The following HDAC9 variants were observed in gnomAD, a reference collection of about 807,000 sequenced individuals.
The protein encoded by HDAC9 is histone deacetylase 9, also known as MEF-2 interacting transcription repressor (MITR) protein.
HDAC9 carries 41 observed loss-of-function variants against 139.4 expected under a neutral mutation model. The observed-to-expected ratio is 0.29, with a 90% confidence interval of 0.23 to 0.38. The LOEUF (loss-of-function observed/expected upper bound fraction) is 0.38, where lower values mean the gene tolerates loss of function less well. HDAC9 is among the 10% of genes least tolerant of loss of function. The probability of loss-of-function intolerance (pLI) is 1.00; values close to 1 mark genes in which losing one functional copy is unlikely to be tolerated. For synonymous variants in HDAC9, 517 were observed against 476.2 expected, an observed-to-expected ratio of 1.09 and a Z score of -1.12; for missense variants, 1,147 against 1,297.0, an observed-to-expected ratio of 0.88 and a Z score of 1.78.
chr7:18,201,211 C>CT (rs1346311141), intron 2 of HDAC9, among the ~76,000 whole-genome samples: 1 of 152,134 alleles, frequency 6.6e-6, no homozygotes, highest in Admixed American at 6.6e-5. Context: ...TAGTTTTCCT[C>CT]TTTTCCTTAA....
chr7:18,582,486 A>G (rs1480064236), intron 2 of HDAC9, among the ~76,000 whole-genome samples: 1 of 152,072 alleles, frequency 6.6e-6, no homozygotes, highest in Non-Finnish European at 1.5e-5. Flanking sequence ...GGCTTGATAA[A>G]TCTATTTTGA....
chr7:18,698,406 A>G (rs1783211996), intron 12 of HDAC9, among the ~76,000 whole-genome samples: 1 of 152,228 alleles, frequency 6.6e-6, no homozygotes, highest in African/African-American at 2.4e-5. Flanking sequence ...CTGGGACTAA[A>G]TAAGTTATGC....
intron 1 of HDAC9, among the ~76,000 whole-genome samples, chr7:18,362,348 A>G (rs997154371): frequency 6.6e-6 from 1 of 152,274 alleles, no homozygotes; most frequent in Middle Eastern, 3.4e-3. Flanking sequence ...ATATTTTTCT[A>G]TTATCTTTGT....
At chr7:18,847,414 A>G (rs1796984505) in intron 21 of HDAC9, among the ~76,000 whole-genome samples, 1 of 152,076 alleles carries the variant, frequency 6.6e-6, no homozygotes, top group East Asian at 1.9e-4. Context: ...CACATGATAC[A>G]CTGAAAAAAA....
intron 1 of HDAC9, among the ~76,000 whole-genome samples, chr7:18,125,071 T>G (rs963912693): frequency 1.3e-5 from 2 of 152,150 alleles, no homozygotes; most frequent in Non-Finnish European, 2.9e-5. Context: ...ATTATCTTCT[T>G]ATATTTTTGA....
At chr7:18,141,666 G>A (rs1173149819) in intron 1 of HDAC9, among the ~76,000 whole-genome samples, 2 of 152,086 alleles carry the variant, frequency 1.3e-5, no homozygotes, top group Non-Finnish European at 2.9e-5. Context: ...CAGAATAGCG[G>A]GGACACGGGT....
chr7:18,358,557 G>A lies in HDAC9; in HGVS notation c.-42+68042G>A, dbSNP rs531095220. Among the ~76,000 whole-genome samples the A allele has an allele frequency of 2.0e-5, 3 of 152,284 alleles. No individual in the cohort carries two copies. In the South Asian group the frequency reaches 6.2e-4, roughly 32 times the overall value. ...TCGAATGAGTGTTTTCTCTCTGAGG[G>A]TTGGAATTTGGAAAAAATTGAAATA... On this transcript the variant is annotated intron_variant, in intron 1 of 3. Coordinates refer to the HDAC9 transcript ENST00000413509.
At chr7:18,557,868 A>G (rs1819356755) in intron 2 of HDAC9, among the ~76,000 whole-genome samples, 1 of 151,816 alleles carries the variant, frequency 6.6e-6, no homozygotes, top group Non-Finnish European at 1.5e-5. Flanking sequence ...ATGTACTAAC[A>G]TATATTTTTC....
Position 18,301,747 on chromosome 7 carries a change from G to A in HDAC9, c.-42+11232G>A, listed in dbSNP as rs1374664765. On this transcript the variant is annotated intron_variant, in intron 1 of 3. Coordinates refer to the HDAC9 transcript ENST00000413509. ...TCAAATGAGAAGTGCCAGCTTCTTC[G>A]CTTCCCATTTCTCCCACCAGACACT... 5.9e-5 allele frequency among the ~76,000 whole-genome samples: 9 copies of A among 152,196 alleles called. No individual in the cohort carries two copies. The East Asian group carries it at 1.4e-3, about 23-fold the overall frequency.
intron 17 of HDAC9, among the ~76,000 whole-genome samples, chr7:18,805,881 AGGAAGT>A (rs1309266147): frequency 6.6e-6 from 1 of 152,206 alleles, no homozygotes; most frequent in Non-Finnish European, 1.5e-5. Context: ...GTAAGCAGGA[AGGAAGT>A]GGAGTAAGAA....
At chr7:18,538,810 C>T (rs1811745515) in intron 2 of HDAC9, among the ~76,000 whole-genome samples, 1 of 152,162 alleles carries the variant, frequency 6.6e-6, no homozygotes, top group Non-Finnish European at 1.5e-5. Context: ...CTGTTTTCTA[C>T]TTCTGTGTTA....
chr7:18,105,007 A>G (rs1783107408), intron 1 of HDAC9, among the ~76,000 whole-genome samples: 1 of 151,564 alleles, frequency 6.6e-6, no homozygotes, highest in Admixed American at 6.6e-5. Flanking sequence ...TCTAACCAAT[A>G]TTACTTTTGG....
At chr7:18,259,170 A>G (rs1313304866) in intron 2 of HDAC9, among the ~76,000 whole-genome samples, 1 of 151,680 alleles carries the variant, frequency 6.6e-6, no homozygotes, top group Non-Finnish European at 1.5e-5. Flanking sequence ...GGGTTTCACC[A>G]TGTTGGCCAG....
At chr7:18,742,218 AG>A (rs1787524045) in intron 13 of HDAC9, among the ~76,000 whole-genome samples, 1 of 152,202 alleles carries the variant, frequency 6.6e-6, no homozygotes, top group African/African-American at 2.4e-5. Flanking sequence ...GTTTTGTGAA[AG>A]GAAGATTTCA....
chr7:18,522,975 G>A (rs1164272658), intron 2 of HDAC9, among the ~76,000 whole-genome samples: 1 of 152,156 alleles, frequency 6.6e-6, no homozygotes, highest in Non-Finnish European at 1.5e-5. Context: ...GTCTAGAGTG[G>A]AGGAAAAAGG....
chr7:18,934,180 T>A (rs1416442438), intron 22 of HDAC9, among the ~76,000 whole-genome samples: 1 of 152,058 alleles, frequency 6.6e-6, no homozygotes, highest in Non-Finnish European at 1.5e-5. Context: ...TGTAGTGATA[T>A]AATCCCTTTA....
chr7:18,277,649 G>T (rs183085458), intron 2 of HDAC9, among the ~76,000 whole-genome samples: 1 of 152,236 alleles, frequency 6.6e-6, no homozygotes, highest in East Asian at 1.9e-4. Context: ...CTTACTGGAA[G>T]TCATTTTCCT....
upstream of HDAC9, among the ~76,000 whole-genome samples, chr7:18,492,086 C>A (rs1796412108): frequency 1.3e-5 from 2 of 151,950 alleles, no homozygotes; most frequent in African/African-American, 4.8e-5. Context: ...ATGCAATAAT[C>A]CTGCATACGA....
At chr7:18,290,196 T>C (rs1308257021), upstream of HDAC9, 2 of 259,770 alleles carry the variant, frequency 7.7e-6, no homozygotes, top group East Asian at 8.3e-5. Context: ...AGGCTTCTTA[T>C]TAATAGTAAT....
Sources: gnomAD v4.1 joint callset for allele counts (sites outside exome capture counted in the v4.1 genomes callset) on GRCh38, gnomAD v4.1.1 for gene constraint, MANE v1.5 for transcripts, NCBI Gene and HGNC (gene_info 2026-07-23, HGNC 2026-07-21) for gene names.